Variants in VAT1L observed in about 807,000 individuals in gnomAD.
VAT1L encodes the protein putative NADPH-dependent quinone oxidoreductase VAT1L.
Under a neutral mutation model 44.1 loss-of-function variants are expected in VAT1L, and 34 were observed. The observed-to-expected ratio is 0.77, with a 90% CI of 0.59 to 1.03. The LOEUF (loss-of-function observed/expected upper bound fraction) is 1.03, where lower values mean the gene tolerates loss of function less well. Among genes scored for constraint, VAT1L ranks in the 50% least tolerant of loss-of-function variants. The pLI is 0.00. For missense variants in VAT1L, 615 were observed against 538.8 expected, an observed-to-expected ratio of 1.14 and a Z score of -1.40; for synonymous variants, 253 against 202.2, an observed-to-expected ratio of 1.25 and a Z score of -2.13.
rs995249998 is a variant in VAT1L, at chr16:77,953,927, T to A, written c.1078-17923T>A. On this transcript the variant is annotated intron_variant, in intron 7 of 8. Transcript: ENST00000302536. ...TCCAGCATGCAACTTTGCTTCTGAG[T>A]TTTCTGCTCATGTTGCACTAAGATC... Among the ~76,000 whole-genome samples the A allele has an allele frequency of 1.1e-4, 16 of 152,110 alleles. No homozygotes were observed. The East Asian group carries it at 2.5e-3, about 24-fold the overall frequency.
At chr16:77,893,831 G>A (rs2017293650) in intron 7 of VAT1L, among the ~76,000 whole-genome samples, 1 of 152,148 alleles carries the variant, frequency 6.6e-6, no homozygotes, top group Non-Finnish European at 1.5e-5. Flanking sequence ...ATGTATAGAA[G>A]TTTTTGGAAA....
chr16:77,850,929 G>A (rs2016802823), intron 3 of VAT1L, among the ~76,000 whole-genome samples: 2 of 152,320 alleles, frequency 1.3e-5, no homozygotes, highest in East Asian at 1.9e-4. Context: ...CTCAAACAGT[G>A]TGTCAGTCTG....
intron 7 of VAT1L, among the ~76,000 whole-genome samples, chr16:77,933,425 C>A (rs450713): frequency 0.65 from 99,353 of 152,136 alleles, 32,531 homozygotes; most frequent in Admixed American, 0.69. Flanking sequence ...AAACACCTAC[C>A]TGAACCATTT....
intron 1 of VAT1L, among the ~76,000 whole-genome samples, chr16:77,816,422 T>G (rs1464109123): frequency 1.3e-5 from 2 of 152,146 alleles, no homozygotes; most frequent in African/African-American, 4.8e-5. Context: ...GTGTGATGAT[T>G]GAGGAGAGGT....
At chr16:77,943,688 C>G (rs1332228602) in intron 7 of VAT1L, among the ~76,000 whole-genome samples, 1 of 152,052 alleles carries the variant, frequency 6.6e-6, no homozygotes, top group Admixed American at 6.6e-5. Flanking sequence ...AGGTGTGAGT[C>G]ACTGCGCCCG....
chr16:77,960,071 C>G lies in VAT1L; in HGVS notation c.1078-11779C>G, dbSNP rs563145159. On this transcript the variant is annotated intron_variant, in intron 7 of 8. Transcript: ENST00000302536. ...CTTCTTCAGAGAAGCACTCCCTGATCTTCCCAACCAGGTCAAATCCCCATC... is the reference window on the plus strand; with the variant it reads ...CTTCTTCAGAGAAGCACTCCCTGATGTTCCCAACCAGGTCAAATCCCCATC... Among the ~76,000 whole-genome samples, 15 of 152,220 alleles carry G rather than the reference C, an allele frequency of 9.9e-5. 1 individual carries two copies. The South Asian group carries it at 3.1e-3, about 32-fold the overall frequency.
intron 3 of VAT1L, among the ~76,000 whole-genome samples, chr16:77,826,033 GA>G (rs1157288505): frequency 0.02 from 157 of 7,990 alleles, 4 homozygotes; most frequent in Middle Eastern, 0.12. Flanking sequence ...AAAAAAAAAA[GA>G]AAAAAAAAAA....
intron 7 of VAT1L, among the ~76,000 whole-genome samples, chr16:77,907,910 G>C (rs1279459071): frequency 6.6e-6 from 1 of 152,144 alleles, no homozygotes; most frequent in Non-Finnish European, 1.5e-5. Context: ...GAGTAGCAGT[G>C]AAAGATTGAA....
chr16:77,933,788 G>C (rs1040067833), intron 7 of VAT1L, among the ~76,000 whole-genome samples: 3 of 152,152 alleles, frequency 2.0e-5, no homozygotes, highest in African/African-American at 4.8e-5. Context: ...AATACGACTG[G>C]AGCAAGGAAG....
chr16:77,877,168 C>A (rs1387985138), intron 5 of VAT1L, among the ~76,000 whole-genome samples: 1 of 152,188 alleles, frequency 6.6e-6, no homozygotes, highest in East Asian at 1.9e-4. Flanking sequence ...CCTCCTTTCT[C>A]TCTTCTTTTT....
intron 7 of VAT1L, among the ~76,000 whole-genome samples, chr16:77,901,011 G>A (rs988606613): frequency 3.9e-5 from 6 of 152,084 alleles, no homozygotes; most frequent in Non-Finnish European, 8.8e-5. Flanking sequence ...GGAAGTTCAC[G>A]GTTGGCAAGC....
At chr16:77,930,359 G>T (rs1391234676) in intron 7 of VAT1L, among the ~76,000 whole-genome samples, 1 of 152,110 alleles carries the variant, frequency 6.6e-6, no homozygotes, top group Non-Finnish European at 1.5e-5. Flanking sequence ...TCCAAACAAT[G>T]GCCAATTCCA....
chr16:77,834,740 T>C (rs2016620219), intron 3 of VAT1L, among the ~76,000 whole-genome samples: 1 of 152,212 alleles, frequency 6.6e-6, no homozygotes, highest in Non-Finnish European at 1.5e-5. Context: ...TGACATCACC[T>C]ACCATGTGTT....
intron 7 of VAT1L, among the ~76,000 whole-genome samples, chr16:77,950,898 C>T (rs745499853): frequency 2.0e-5 from 3 of 152,050 alleles, no homozygotes; most frequent in Non-Finnish European, 4.4e-5. Context: ...GAAATGTCTC[C>T]TTATAAAATT....
intron 7 of VAT1L, among the ~76,000 whole-genome samples, chr16:77,951,772 C>G (rs865984315): frequency 1.3e-5 from 2 of 150,960 alleles, no homozygotes; most frequent in Non-Finnish European, 2.9e-5. Flanking sequence ...TGACAAAGTT[C>G]TACTTTGATG....
chr16:77,934,993 G>A (rs1227650034), intron 7 of VAT1L, among the ~76,000 whole-genome samples: 1 of 152,052 alleles, frequency 6.6e-6, no homozygotes, highest in Non-Finnish European at 1.5e-5. Flanking sequence ...TCATCTTTGA[G>A]TATAGGGGGG....
intron 1 of VAT1L, among the ~76,000 whole-genome samples, chr16:77,807,991 G>A (rs2145224088): frequency 6.6e-6 from 1 of 152,094 alleles, no homozygotes; most frequent in East Asian, 1.9e-4. Context: ...GTGCCATGGT[G>A]GCTATATGAG....
intron 3 of VAT1L, among the ~76,000 whole-genome samples, chr16:77,847,452 C>T (rs147106249): frequency 8.5e-4 from 129 of 152,278 alleles, no homozygotes; most frequent in African/African-American, 2.9e-3. Context: ...TTCAAAACTT[C>T]GGCAAAGTGC....
At chr16:77,860,075 G>C (rs986571396) in intron 3 of VAT1L, among the ~76,000 whole-genome samples, 49 of 152,174 alleles carry the variant, frequency 3.2e-4, no homozygotes, top group African/African-American at 9.2e-4. Flanking sequence ...GAGAGACGCA[G>C]GGAGAATAGG....
Sources: gnomAD v4.1 joint callset for allele counts (sites outside exome capture counted in the v4.1 genomes callset) on GRCh38, gnomAD v4.1.1 for gene constraint, MANE v1.5 for transcripts, NCBI Gene and HGNC (gene_info 2026-07-23, HGNC 2026-07-21) for gene names.